ANKRD36: variants seen among roughly 807,000 people sequenced by gnomAD.
The protein encoded by ANKRD36 is ankyrin repeat domain 36.
Under a neutral mutation model 278.1 loss-of-function variants are expected in ANKRD36, and 179 were observed. The observed-to-expected ratio is 0.64, with a 90% CI of 0.57 to 0.73. ANKRD36 has a LOEUF of 0.73. Among genes scored for constraint, ANKRD36 ranks in the 30% least tolerant of loss-of-function variants. The pLI, the probability that ANKRD36 is intolerant of heterozygous loss-of-function variation, is 0.00. For synonymous variants in ANKRD36, 320 were observed against 641.1 expected (o/e 0.50, Z 7.57); for missense variants, 1,159 against 1,956.7 (o/e 0.59, Z 7.69).
chr2:97,128,579 A>C (rs2039233942), intron 6 of ANKRD36, among the ~76,000 whole-genome samples: 1 of 152,040 alleles, frequency 6.6e-6, no homozygotes, highest in African/African-American at 2.4e-5. Flanking sequence ...TATGGGGAAC[A>C]AATCTACCAA....
intron 1 of ANKRD36, among the ~76,000 whole-genome samples, chr2:97,115,155 T>C (rs957094752): frequency 7.2e-5 from 11 of 152,130 alleles, no homozygotes; most frequent in African/African-American, 2.7e-4. Flanking sequence ...TCTAATAGAA[T>C]TGGATAATGG....
chr2:97,225,059 A>G (rs1326327093), intron 67 of ANKRD36, among the ~76,000 whole-genome samples, 180 bp downstream of exon 67: 1 of 151,814 alleles, frequency 6.6e-6, no homozygotes, highest in Admixed American at 6.6e-5. Flanking sequence ...GTTGGAATCT[A>G]TAGCAACTTG....
rs1315601255 is a variant in ANKRD36, at chr2:97,260,379, T to TATACAC, written c.*7-3949_*7-3948insTACACA. On this transcript the variant is annotated intron_variant, in intron 75 of 75. Transcript: ENST00000420699. Reference sequence around the variant, plus strand: ...ATATATATATATATATATATATATATACACACATATATACATACACACACA... The same window carrying TATACAC: ...ATATATATATATATATATATATATATATACACACACACATATATACATACACACACA... 4.2e-4 allele frequency among the ~76,000 whole-genome samples: 51 copies of TATACAC among 121,240 alleles called. 3 individuals are homozygous for TATACAC. In the East Asian group the frequency reaches 6.1e-3, roughly 14 times the overall value. 79.5% of individuals were successfully genotyped at this position (121,240 alleles called of 152,430 possible).
intron 17 of ANKRD36, among the ~76,000 whole-genome samples, chr2:97,160,486 A>ATAT (rs1481207215): frequency 2.0e-5 from 3 of 152,096 alleles, no homozygotes; most frequent in Non-Finnish European, 4.4e-5. Context: ...AAGCTCAGGA[A>ATAT]TCCTTTTGAC....
intron 22 of ANKRD36, among the ~76,000 whole-genome samples, chr2:97,175,448 T>C (rs1197735297): frequency 3.3e-5 from 5 of 152,002 alleles, no homozygotes; most frequent in Non-Finnish European, 5.9e-5. Flanking sequence ...TGGTAGTTTA[T>C]TTCTGTGGGA....
chr2:97,181,002 A>C (rs2056045729), intron 24 of ANKRD36, among the ~76,000 whole-genome samples: 1 of 151,762 alleles, frequency 6.6e-6, no homozygotes, highest in African/African-American at 2.4e-5. Context: ...GGATACAAGA[A>C]TCTTAGGCAA....
In ANKRD36 at chr2:97,158,655, G is replaced by T. The variant is rs763827716; in HGVS notation, c.1389G>T (p.Lys463Asn). The change falls in exon 17 of 76, where the codon AAG becomes AAT. Residue 463 changes from lysine to asparagine, a missense_variant and splice_region_variant. Lys to Asn is a moderately conservative substitution (Grantham distance 94). Coordinates refer to ENST00000420699, the MANE Select transcript of ANKRD36 (RefSeq NM_001354587.1). ...GNMFEDQNVD[K>N]EGKALPATGQ... ...TGTTTGAAGACCAAAATGTTGATAA[G>T]GTAAATGAAGATGTGGTTAAAAGCC... The T allele has an allele frequency of 1.3e-6, 2 of 1,536,148 alleles. No homozygotes were observed. Among genetic ancestry groups the T allele is most frequent in the South Asian group, 2.4e-5 (2 of 83,916 alleles).
intron 67 of ANKRD36, among the ~76,000 whole-genome samples, chr2:97,231,600 G>A (rs182845825): frequency 3.4e-3 from 523 of 152,120 alleles, no homozygotes; most frequent in East Asian, 0.012. Context: ...GTGAGGCAAT[G>A]CCTCACCCTC....
At chr2:97,199,035 G>A (rs1330018037) in intron 44 of ANKRD36, among the ~76,000 whole-genome samples, 1 of 151,894 alleles carries the variant, frequency 6.6e-6, no homozygotes, top group Non-Finnish European at 1.5e-5. Flanking sequence ...AAGACAGAAA[G>A]CTTGTTGTAA....
At chr2:97,210,622 A>G (rs2064204228) in intron 56 of ANKRD36, among the ~76,000 whole-genome samples, 1 of 151,836 alleles carries the variant, frequency 6.6e-6, no homozygotes, top group African/African-American at 2.4e-5. Flanking sequence ...TCCTTGTTCA[A>G]GGAGCTACCT....
chr2:97,197,712 A>G (rs989665445), intron 42 of ANKRD36, among the ~76,000 whole-genome samples: 1 of 151,938 alleles, frequency 6.6e-6, no homozygotes, highest in African/African-American at 2.4e-5. Flanking sequence ...ACTGATCAAT[A>G]TCTAATGCTT....
Position 97,211,534 on chromosome 2 carries a change from T to G in ANKRD36, c.3368-12T>G. On this transcript the variant is annotated splice_polypyrimidine_tract_variant and intron_variant, in intron 56 of 75. Coordinates refer to ENST00000420699, the MANE Select transcript of ANKRD36 (RefSeq NM_001354587.1). ...TACATATGAGTGATTATGTATCCCT[T>G]TTGCTTTTCAGTGTCTTCTCCGAAA... 6.2e-7 allele frequency: 1 copy of G among 1,604,990 alleles called. No homozygotes were observed. The highest frequency in any genetic ancestry group is 8.5e-7 in the Non-Finnish European group (1 of 1,174,028).
intron 58 of ANKRD36, chr2:97,212,909 C>T (rs1407561101): frequency 4.1e-6 from 1 of 243,506 alleles, no homozygotes; most frequent in African/African-American, 2.3e-5. Context: ...ATTTAGGACA[C>T]TTCCACTGAA....
At chr2:97,140,525 A>G (rs978551662) in intron 6 of ANKRD36, among the ~76,000 whole-genome samples, 1 of 151,984 alleles carries the variant, frequency 6.6e-6, no homozygotes, top group African/African-American at 2.4e-5. Context: ...AACTCATAAT[A>G]TGATGGGAAA....
At chr2:97,131,673 A>G (rs966019963) in intron 6 of ANKRD36, among the ~76,000 whole-genome samples, 5 of 151,984 alleles carry the variant, frequency 3.3e-5, no homozygotes, top group Admixed American at 2.6e-4. Flanking sequence ...GTTTTAATAG[A>G]TATTTTTAGT....
chr2:97,171,697 A>G (rs1219578502), intron 22 of ANKRD36, among the ~76,000 whole-genome samples: 5 of 150,442 alleles, frequency 3.3e-5, no homozygotes, highest in Non-Finnish European at 7.4e-5. Flanking sequence ...AACTTAAAGT[A>G]TAATTAAAAA....
chr2:97,132,750 A>T (rs2167572), intron 6 of ANKRD36, among the ~76,000 whole-genome samples: 2 of 152,032 alleles, frequency 1.3e-5, no homozygotes, highest in African/African-American at 4.8e-5. Flanking sequence ...AGTAAAATTG[A>T]CTCAGGGCAA....
intron 22 of ANKRD36, among the ~76,000 whole-genome samples, chr2:97,168,056 G>A (rs899042729): frequency 1.2e-4 from 18 of 152,182 alleles, no homozygotes; most frequent in Non-Finnish European, 2.5e-4. Context: ...GATGAATTTT[G>A]AAACTATAAA....
At chr2:97,163,101 A>T in intron 18 of ANKRD36, 1 of 362,558 alleles carries the variant, frequency 2.8e-6, no homozygotes, top group African/African-American at 2.1e-5. Flanking sequence ...CCCCATCTCT[A>T]CTAAAAATAC....
Sources: gnomAD v4.1 joint callset for allele counts (sites outside exome capture counted in the v4.1 genomes callset) on GRCh38, gnomAD v4.1.1 for gene constraint, MANE v1.5 for transcripts, NCBI Gene and HGNC (gene_info 2026-07-23, HGNC 2026-07-21) for gene names.